The following AGTPBP1 variants were observed in gnomAD, a reference collection of about 807,000 sequenced individuals.
AGTPBP1 encodes ATP/GTP binding carboxypeptidase 1.
In AGTPBP1, 70 loss-of-function variants were observed where a neutral mutation model predicts 143.9. The ratio of observed to expected loss-of-function variants is 0.49; its 90% CI spans 0.40 to 0.59. AGTPBP1 has a LOEUF of 0.59. Ranked by LOEUF, AGTPBP1 falls within the 20% of genes least tolerant of loss-of-function variation. The probability of loss-of-function intolerance (pLI) is 0.00; values close to 1 mark genes in which losing one functional copy is unlikely to be tolerated. For missense variants in AGTPBP1, 1,229 were observed against 1,464.5 expected (o/e 0.84, Z 2.62); for synonymous variants, 463 against 500.2 (o/e 0.93, Z 0.99).
the AGTPBP1 span, among the ~76,000 whole-genome samples, chr9:85,800,940 A>G: frequency 6.6e-6 from 1 of 151,908 alleles, no homozygotes; most frequent in Non-Finnish European, 1.5e-5. Context: ...TCTTATTTTC[A>G]ATTTATCAGG....
At chr9:85,566,651 C>A (rs1293401528) in intron 25 of AGTPBP1, among the ~76,000 whole-genome samples, 1 of 151,572 alleles carries the variant, frequency 6.6e-6, no homozygotes, top group East Asian at 1.9e-4. Context: ...AAAAAAGACA[C>A]ATATGCATAT....
intron 1 of AGTPBP1, among the ~76,000 whole-genome samples, chr9:85,717,752 C>T (rs774980167): frequency 6.6e-5 from 10 of 150,488 alleles, no homozygotes; most frequent in Non-Finnish European, 1.2e-4. Context: ...CATAGGTATA[C>T]ATTGCCATGT....
chr9:85,741,705 C>A, intron 1 of AGTPBP1, 70 bp downstream of exon 1: 1 of 1,268,176 alleles, frequency 7.9e-7, no homozygotes, highest in Non-Finnish European at 9.9e-7. Context: ...CCGTCGCTCG[C>A]ATCTCCCGCG....
At chr9:85,716,307 T>G (rs1003158236) in intron 1 of AGTPBP1, among the ~76,000 whole-genome samples, 2 of 152,240 alleles carry the variant, frequency 1.3e-5, no homozygotes, top group Non-Finnish European at 2.9e-5. Context: ...TGACCACTTC[T>G]AAGTTTCCTT....
At chr9:85,718,664 T>C (rs1183730558) in intron 1 of AGTPBP1, among the ~76,000 whole-genome samples, 3 of 152,234 alleles carry the variant, frequency 2.0e-5, no homozygotes, top group Non-Finnish European at 4.4e-5. Flanking sequence ...GCAGATGCTC[T>C]TTAGTTTAAT....
At chr9:85,628,631 T>G (rs1204612335) in intron 14 of AGTPBP1, among the ~76,000 whole-genome samples, 2 of 152,212 alleles carry the variant, frequency 1.3e-5, no homozygotes, top group Admixed American at 1.3e-4. Context: ...CAAATGCATT[T>G]TGGAGCCAGT....
intron 25 of AGTPBP1, among the ~76,000 whole-genome samples, chr9:85,573,357 T>C (rs1827651414): frequency 6.6e-6 from 1 of 152,218 alleles, no homozygotes; most frequent in African/African-American, 2.4e-5. Flanking sequence ...CCGCCAGCCT[T>C]GGCCTCCCGA....
chr9:85,551,134 G>C lies in AGTPBP1; in HGVS notation c.3504-3848C>G, dbSNP rs1236642156. Among the ~76,000 whole-genome samples the C allele has an allele frequency of 2.6e-5, 4 of 152,100 alleles. No homozygotes were observed. The East Asian group carries it at 7.7e-4, about 29-fold the overall frequency. On this transcript the variant is annotated intron_variant, in intron 25 of 25. Transcript: ENST00000357081. ...AAAGCTCCCTGAGACCTTCCCAAAA[G>C]CCAAGCAGACGGTGGCACCATGCTT...
chr9:85,760,943 C>A, the AGTPBP1 span, among the ~76,000 whole-genome samples: 5 of 152,084 alleles, frequency 3.3e-5, no homozygotes, highest in Non-Finnish European at 7.4e-5. Context: ...AATCAGTGTG[C>A]AAAAATCACA....
At chr9:85,575,253 TA>T in intron 25 of AGTPBP1, 61 bp downstream of exon 25, 1 of 1,306,988 alleles carries the variant, frequency 7.7e-7, no homozygotes, top group South Asian at 1.8e-5. Context: ...CCTTTTCTGC[TA>T]TTTTAATGAA....
At chr9:85,754,310 C>T in the AGTPBP1 span, among the ~76,000 whole-genome samples, 1 of 152,180 alleles carries the variant, frequency 6.6e-6, no homozygotes, top group Admixed American at 6.5e-5. Flanking sequence ...TCTGCCTCAG[C>T]CTCCCAAGTA....
rs565763682 is a variant in AGTPBP1, at chr9:85,583,507, C to A, written c.3165+1956G>T. 6.6e-4 allele frequency among the ~76,000 whole-genome samples: 101 copies of A among 152,166 alleles called. 1 individual carries two copies. Among genetic ancestry groups the A allele is most frequent in the African/African-American group, 2.4e-3 (100 of 41,500 alleles). ...GTGTGTGTGTAACACCTGTTAACATCTTGAGAAATGAAATTTGGGTGCTTT... is the reference window on the plus strand; with the variant it reads ...GTGTGTGTGTAACACCTGTTAACATATTGAGAAATGAAATTTGGGTGCTTT... On this transcript the variant is annotated intron_variant, in intron 23 of 25. Coordinates refer to ENST00000357081, the MANE Select transcript of AGTPBP1 (RefSeq NM_001330701.2).
chr9:85,641,614 A>G (rs1193642352), intron 13 of AGTPBP1, among the ~76,000 whole-genome samples: 1 of 152,130 alleles, frequency 6.6e-6, no homozygotes, highest in African/African-American at 2.4e-5. Context: ...CAGTTGTTGC[A>G]TCTTTTATGG....
At chr9:85,735,288 T>C (rs1267826904) in intron 1 of AGTPBP1, among the ~76,000 whole-genome samples, 8 of 152,220 alleles carry the variant, frequency 5.3e-5, no homozygotes, top group Non-Finnish European at 1.0e-4. Context: ...AGATAAACGC[T>C]GTATGATTGA....
intron 1 of AGTPBP1, among the ~76,000 whole-genome samples, chr9:85,733,725 AAG>A (rs1839037705): frequency 6.6e-6 from 1 of 152,216 alleles, no homozygotes; most frequent in Non-Finnish European, 1.5e-5. Flanking sequence ...CAAGATTTAA[AAG>A]AGAGAGGACT....
At chr9:85,777,616 C>G in the AGTPBP1 span, among the ~76,000 whole-genome samples, 1 of 152,330 alleles carries the variant, frequency 6.6e-6, no homozygotes, top group East Asian at 1.9e-4. Flanking sequence ...TAAAATCCTC[C>G]TCTGCTGAGG....
intron 14 of AGTPBP1, among the ~76,000 whole-genome samples, chr9:85,626,815 T>A (rs1252141199): frequency 6.6e-6 from 1 of 152,210 alleles, no homozygotes; most frequent in South Asian, 2.1e-4. Context: ...AAAGTGTTAT[T>A]TGTGGACACG....
At chr9:85,615,276 C>G (rs537173792) in intron 17 of AGTPBP1, among the ~76,000 whole-genome samples, 1 of 152,242 alleles carries the variant, frequency 6.6e-6, no homozygotes, top group Admixed American at 6.5e-5. Context: ...TTTCCCTAGT[C>G]TTCAGCAACA....
the AGTPBP1 span, among the ~76,000 whole-genome samples, chr9:85,798,784 C>A: frequency 3.3e-5 from 5 of 152,130 alleles, no homozygotes; most frequent in African/African-American, 1.2e-4. Context: ...GATATCTGGG[C>A]ATCGTGGCTC....
Sources: allele counts gnomAD v4.1 joint callset (sites outside exome capture counted in the v4.1 genomes callset), GRCh38; gene constraint gnomAD v4.1.1; transcripts MANE v1.5; gene names NCBI Gene and HGNC (gene_info 2026-07-23, HGNC 2026-07-21).